AKAP13: variants seen among roughly 807,000 people sequenced by gnomAD.
AKAP13 encodes A-kinase anchoring protein 13, also known as A-kinase anchor protein 13.
In AKAP13, 80 loss-of-function variants were observed where a neutral mutation model predicts 264.5. That is an observed-to-expected ratio of 0.30 (90% confidence interval 0.25 to 0.36). The LOEUF (loss-of-function observed/expected upper bound fraction) is 0.36. Ranked by LOEUF, AKAP13 falls within the 10% of genes least tolerant of loss-of-function variation. AKAP13 has a pLI of 1.00. For missense variants in AKAP13, 3,712 were observed against 3,435.2 expected, an observed-to-expected ratio of 1.08 and a Z score of -2.01; for synonymous variants, 1,380 against 1,250.2, an observed-to-expected ratio of 1.10 and a Z score of -2.19.
intron 1 of AKAP13, among the ~76,000 whole-genome samples, chr15:85,448,592 T>C (rs1341584556): frequency 6.6e-6 from 1 of 152,130 alleles, no homozygotes; most frequent in African/African-American, 2.4e-5. Context: ...ATGGTTAGCC[T>C]GTTATCCCAG....
chr15:85,613,889 T>C (rs1186829687), intron 8 of AKAP13, among the ~76,000 whole-genome samples: 1 of 151,616 alleles, frequency 6.6e-6, no homozygotes, highest in Non-Finnish European at 1.5e-5. Context: ...GCTAAAATGA[T>C]AACTTTAAAA....
At chr15:85,675,994 C>G (rs1264255862) in intron 14 of AKAP13, among the ~76,000 whole-genome samples, 2 of 152,126 alleles carry the variant, frequency 1.3e-5, no homozygotes, top group Non-Finnish European at 2.9e-5. Flanking sequence ...TCACTGCAAC[C>G]TCTGCCTCCC....
chr15:85,392,336 C>G (rs1431875281), intron 1 of AKAP13, among the ~76,000 whole-genome samples: 1 of 146,094 alleles, frequency 6.8e-6, no homozygotes, highest in Non-Finnish European at 1.5e-5. Flanking sequence ...CTCACTGCAA[C>G]CTCTGCCTCC....
At chr15:85,557,631 C>G (rs534892923) in intron 5 of AKAP13, among the ~76,000 whole-genome samples, 46 of 152,186 alleles carry the variant, frequency 3.0e-4, no homozygotes, top group African/African-American at 1.0e-3. Flanking sequence ...CTAACTAACG[C>G]ACCTGGCTAA....
At chr15:85,496,843 A>G (rs1019713704) in intron 2 of AKAP13, among the ~76,000 whole-genome samples, 51 of 152,346 alleles carry the variant, frequency 3.3e-4, no homozygotes, top group African/African-American at 1.2e-3. Flanking sequence ...CCAGAAGAAT[A>G]AGGAAATCAA....
chr15:85,708,967 A>C lies in AKAP13; in HGVS notation c.5532+881A>C, dbSNP rs1385928742. 6.6e-6 allele frequency among the ~76,000 whole-genome samples: 1 copy of C among 152,182 alleles called. No individual in the cohort carries two copies. The highest frequency in any genetic ancestry group is 1.9e-4 in the East Asian group (1 of 5,204). On this transcript the variant is annotated intron_variant, in intron 18 of 36. Coordinates refer to ENST00000394518, the MANE Select transcript of AKAP13 (RefSeq NM_007200.5). The surrounding 1 kb of genome is among the most constrained non-coding windows in gnomAD (Gnocchi z 4.3). ...ATTTGCATTTCTAGTAAGTTCCCAG[A>C]TGATGCTGATAGTCCGAGGACCTTA... is the stretch of plus-strand genomic sequence containing the variant.
At chr15:85,685,462 GTGTGTGTGTGTGTGTGTGTGTGTGTGTC>G (rs2084848788) in intron 16 of AKAP13, 1 of 34,628 alleles carries the variant, frequency 2.9e-5, no homozygotes, top group South Asian at 6.0e-4. Context: ...TGTTTAAACC[GTGTGTGTGTGTGTGTGTGTGTGTGTGTC>G]TGTGTGTGTG....
chr15:85,509,004 C>G (rs2151114835), intron 2 of AKAP13, among the ~76,000 whole-genome samples: 1 of 152,292 alleles, frequency 6.6e-6, no homozygotes, highest in South Asian at 2.1e-4. Context: ...CTTACTCTTT[C>G]TAATAGAACT....
chr15:85,412,717 A>G (rs933893532), intron 1 of AKAP13, among the ~76,000 whole-genome samples: 2 of 152,194 alleles, frequency 1.3e-5, no homozygotes, highest in Non-Finnish European at 2.9e-5. Context: ...ATAGCTTACA[A>G]TGGATTGAAA....
rs534929713 is a variant in AKAP13, at chr15:85,457,525, C to T, written c.-11-28185C>T. Among the ~76,000 whole-genome samples, 691 of 152,266 alleles carry T rather than the reference C, an allele frequency of 4.5e-3. 3 individuals are homozygous for T. Among genetic ancestry groups the T allele is most frequent in the Middle Eastern group, 0.01 (3 of 294 alleles). ...GTAGAAGGAGGTGGAGATTGGAGAG[C>T]GCCTAGCTCAGCACCCTTGGCGACT... On this transcript the variant is annotated intron_variant, in intron 1 of 36. Coordinates refer to ENST00000394518, the MANE Select transcript of AKAP13 (RefSeq NM_007200.5).
intron 1 of AKAP13, among the ~76,000 whole-genome samples, chr15:85,471,517 C>T (rs180781292): frequency 2.8e-4 from 43 of 152,186 alleles, no homozygotes; most frequent in African/African-American, 7.0e-4. Flanking sequence ...AACAAACAAA[C>T]AAAAAACTGC....
intron 1 of AKAP13, among the ~76,000 whole-genome samples, chr15:85,461,443 AC>A (rs2074509674): frequency 6.6e-6 from 1 of 152,152 alleles, no homozygotes; most frequent in South Asian, 2.1e-4. Flanking sequence ...TATCCTCAGA[AC>A]TTTGCACAGT....
chr15:85,678,527 C>T (rs1481520874), intron 14 of AKAP13, among the ~76,000 whole-genome samples: 1 of 152,158 alleles, frequency 6.6e-6, no homozygotes, highest in Admixed American at 6.5e-5. Context: ...TCCACTCTAA[C>T]TTTGGGTATT....
At chr15:85,419,013 T>C (rs1315697798) in intron 1 of AKAP13, among the ~76,000 whole-genome samples, 1 of 152,208 alleles carries the variant, frequency 6.6e-6, no homozygotes, top group East Asian at 1.9e-4. Context: ...TGCTCAAGGA[T>C]GCCACCCTTA....
At chr15:85,610,304 C>G (rs772738145) in intron 8 of AKAP13, among the ~76,000 whole-genome samples, 2 of 152,138 alleles carry the variant, frequency 1.3e-5, no homozygotes, top group African/African-American at 4.8e-5. Context: ...TTGCCTCTTC[C>G]CTTCTTTTTC....
intron 1 of AKAP13, among the ~76,000 whole-genome samples, chr15:85,464,107 T>G (rs1367087553): frequency 6.6e-6 from 1 of 152,228 alleles, no homozygotes; most frequent in Non-Finnish European, 1.5e-5. Flanking sequence ...ACGGCGTCTA[T>G]GATCCAACAA....
At chr15:85,561,116 G>A (rs8029391) in intron 5 of AKAP13, among the ~76,000 whole-genome samples, 12 of 150,164 alleles carry the variant, frequency 8.0e-5, no homozygotes, top group African/African-American at 3.0e-4. Context: ...GGAGTGCAAC[G>A]GCGCAATCTC....
At chr15:85,562,764 C>T (rs1431365384) in intron 5 of AKAP13, among the ~76,000 whole-genome samples, 3 of 140,926 alleles carry the variant, frequency 2.1e-5, no homozygotes, top group East Asian at 2.1e-4. Context: ...GGCGCGACCT[C>T]GGCTCACTCC....
intron 5 of AKAP13, among the ~76,000 whole-genome samples, chr15:85,573,936 A>G (rs1019623013): frequency 6.6e-6 from 1 of 152,194 alleles, no homozygotes; most frequent in African/African-American, 2.4e-5. Context: ...GTAGTTTTTT[A>G]TGCACATTTT....
Sources: allele counts gnomAD v4.1 joint callset (sites outside exome capture counted in the v4.1 genomes callset), GRCh38; gene constraint gnomAD v4.1.1; non-coding constraint Gnocchi (gnomAD v3.1); transcripts MANE v1.5; gene names NCBI Gene and HGNC (gene_info 2026-07-23, HGNC 2026-07-21).